Variants in CNNM2 observed in about 807,000 individuals in gnomAD.
CNNM2 encodes cyclin and CBS domain divalent metal cation transport mediator 2.
In CNNM2, 12 loss-of-function variants were observed where a neutral mutation model predicts 66.9. The ratio of observed to expected loss-of-function variants is 0.18; its 90% CI spans 0.11 to 0.29. The LOEUF (loss-of-function observed/expected upper bound fraction) is 0.29, where lower values mean the gene tolerates loss of function less well. Among genes scored for constraint, CNNM2 ranks in the 10% least tolerant of loss-of-function variants. The pLI is 1.00. For synonymous variants in CNNM2, 557 were observed against 501.8 expected, an observed-to-expected ratio of 1.11 and a Z score of -1.47; for missense variants, 705 against 1,167.7, an observed-to-expected ratio of 0.60 and a Z score of 5.77.
rs1280894508 is a variant in CNNM2 at position 103,087,553 on chromosome 10, TGTG to T, written c.*10376_*10378del. ...GTGGTAAATTAAAGCAAAGCAATCATGTGGTCCTTACTCTAAAAGAGACAATAT... is the reference window on the plus strand; with the variant it reads ...GTGGTAAATTAAAGCAAAGCAATCATGTCCTTACTCTAAAAGAGACAATAT... On this transcript the variant is annotated 3_prime_UTR_variant, in exon 8 of 8. Transcript: ENST00000369878. The T allele has an allele frequency of 6.6e-6, 1 of 152,224 alleles. No individual in the cohort carries two copies. Among genetic ancestry groups the T allele is most frequent in the Non-Finnish European group, 1.5e-5 (1 of 68,032 alleles). 9.4% of individuals were successfully genotyped at this position (152,224 alleles called of 1,614,324 possible). A position where few individuals can be genotyped will look rare whatever the true frequency, so the allele number is the denominator to read the frequency against.
At chr10:103,003,886 G>A (rs2064172188) in intron 1 of CNNM2, among the ~76,000 whole-genome samples, 1 of 151,306 alleles carries the variant, frequency 6.6e-6, no homozygotes, top group Non-Finnish European at 1.5e-5. Context: ...AACATACAAG[G>A]TGTATTCTTC....
chr10:103,074,679 C>T (rs756989138), intron 6 of CNNM2, among the ~76,000 whole-genome samples: 29 of 151,970 alleles, frequency 1.9e-4, no homozygotes, highest in Non-Finnish European at 2.2e-4. Flanking sequence ...ACCAAAAATA[C>T]AAAACTTAGC....
At chr10:102,991,423 T>G (rs990550304) in intron 1 of CNNM2, among the ~76,000 whole-genome samples, 1 of 152,216 alleles carries the variant, frequency 6.6e-6, no homozygotes, top group Non-Finnish European at 1.5e-5. Flanking sequence ...TTATTTTTAG[T>G]AATATTTCTT....
rs2134379283 is a variant in CNNM2 at position 103,082,777 on chromosome 10, A to C, written c.*5597A>C. 1 of 149,422 alleles carries C rather than the reference A, an allele frequency of 6.7e-6. No homozygotes were observed. Among genetic ancestry groups the C allele is most frequent in the African/African-American group, 2.5e-5 (1 of 40,486 alleles). 9.3% of individuals were successfully genotyped at this position (149,422 alleles called of 1,614,324 possible). A position where few individuals can be genotyped will look rare whatever the true frequency, so the allele number is the denominator to read the frequency against. The stretch of plus-strand genomic sequence containing the variant: ...CAGTGTTTTGGATGAGGATGGAGGC[A>C]GGTCTCCTACCTTGTGGGCAGGGCC... On this transcript the variant is annotated 3_prime_UTR_variant, in exon 8 of 8. Coordinates refer to ENST00000369878, the MANE Select transcript of CNNM2 (RefSeq NM_017649.5).
At chr10:103,028,245 C>T (rs995166066) in intron 1 of CNNM2, among the ~76,000 whole-genome samples, 6 of 152,210 alleles carry the variant, frequency 3.9e-5, no homozygotes, top group Admixed American at 2.6e-4. Context: ...AGGTTCTTTA[C>T]GGAAGCAAAT....
intron 1 of CNNM2, among the ~76,000 whole-genome samples, chr10:102,933,363 G>C (rs1418500394): frequency 6.6e-6 from 1 of 152,174 alleles, no homozygotes. Context: ...TTATTCCTAA[G>C]TATTTTATTT....
intron 1 of CNNM2, among the ~76,000 whole-genome samples, chr10:102,994,117 A>G (rs905656468): frequency 6.6e-6 from 1 of 152,108 alleles, no homozygotes; most frequent in Non-Finnish European, 1.5e-5. Flanking sequence ...TTGTATTTTT[A>G]GTAGAGACGG....
At position 103,088,176 on chromosome 10, in the gene CNNM2, G is replaced by GAATTCTGGAGCAGCTAA. The variant is rs1213194411; in HGVS notation, c.*10997_*11013dup. Reference sequence around the variant, plus strand: ...ACCGTTAGAAATATTACACTTTATTGAATTCTGGAGCAGCTAATCTACCCT... The same window carrying GAATTCTGGAGCAGCTAA: ...ACCGTTAGAAATATTACACTTTATTGAATTCTGGAGCAGCTAAAATTCTGGAGCAGCTAATCTACCCT... On this transcript the variant is annotated 3_prime_UTR_variant, in exon 8 of 8. Coordinates refer to ENST00000369878, the MANE Select transcript of CNNM2 (RefSeq NM_017649.5). 2 of 152,178 alleles carry GAATTCTGGAGCAGCTAA rather than the reference G, an allele frequency of 1.3e-5. No individual in the cohort carries two copies. Among genetic ancestry groups the GAATTCTGGAGCAGCTAA allele is most frequent in the Non-Finnish European group, 2.9e-5 (2 of 68,030 alleles). 9.4% of individuals were successfully genotyped at this position (152,178 alleles called of 1,614,324 possible).
chr10:103,056,339 T>G (rs770281717), intron 3 of CNNM2, among the ~76,000 whole-genome samples: 1 of 152,130 alleles, frequency 6.6e-6, no homozygotes, highest in Non-Finnish European at 1.5e-5. Flanking sequence ...TTCCCCACAT[T>G]CCTTGGGGTA....
At chr10:103,009,122 C>T (rs1286746040) in intron 1 of CNNM2, among the ~76,000 whole-genome samples, 1 of 151,960 alleles carries the variant, frequency 6.6e-6, no homozygotes, top group East Asian at 1.9e-4. Context: ...ACTAAAAATA[C>T]AAAAGTAGCC....
chr10:102,919,756 G>T lies in CNNM2; in HGVS notation c.1276G>T (p.Asp426Tyr). The T allele has an allele frequency of 6.2e-7, 1 of 1,614,204 alleles. No individual in the cohort carries two copies. Among genetic ancestry groups the T allele is most frequent in the Non-Finnish European group, 8.5e-7 (1 of 1,180,044 alleles). The stretch of plus-strand genomic sequence containing the variant: ...GCTCCGGGTCACCGATCCCTACAAC[G>T]ACCTCGTTAAGGAGGAGCTGAACAT... Reference protein sequence around the residue: ...EMLRVTDPYNDLVKEELNIIQ... With the variant: ...EMLRVTDPYNYLVKEELNIIQ... Residue 426 changes from aspartate to tyrosine, a missense_variant, in exon 1 of 8, where the codon GAC becomes TAC. This residue lies in a region of CNNM2 where 14 missense variants were observed against 68.6 expected (regional missense o/e 0.20). Transcript: ENST00000369878.
rs533599137 is a variant in CNNM2, at chr10:102,981,443, A to G, written c.1621+61342A>G. On this transcript the variant is annotated intron_variant, in intron 1 of 7. Coordinates refer to ENST00000369878, the MANE Select transcript of CNNM2 (RefSeq NM_017649.5). ...CCCACATCAGGATCTTTGTTGGTTT[A>G]CTCACTTATCTTGGGAGAACATATC... 3.7e-3 allele frequency among the ~76,000 whole-genome samples: 567 copies of G among 151,546 alleles called. 2 individuals carry two copies. The highest frequency in any genetic ancestry group is 6.3e-3 in the Non-Finnish European group (424 of 67,712).
chr10:102,939,836 C>T (rs1219224044), intron 1 of CNNM2, among the ~76,000 whole-genome samples: 4 of 151,950 alleles, frequency 2.6e-5, no homozygotes, highest in Non-Finnish European at 4.4e-5. Flanking sequence ...CTGGGCGTGG[C>T]GCACACCTGT....
At chr10:103,010,009 T>G (rs578042822) in intron 1 of CNNM2, among the ~76,000 whole-genome samples, 2 of 152,216 alleles carry the variant, frequency 1.3e-5, no homozygotes, top group South Asian at 4.1e-4. Context: ...TACAGATTAT[T>G]TTATTAAAAT....
chr10:103,002,240 G>A (rs1381610137), intron 1 of CNNM2, among the ~76,000 whole-genome samples: 1 of 152,174 alleles, frequency 6.6e-6, no homozygotes, highest in African/African-American at 2.4e-5. Flanking sequence ...ATAAGGGACT[G>A]TAAGAGTTCT....
intron 4 of CNNM2, 90 bp downstream of exon 4, chr10:103,057,054 T>G: frequency 1.5e-6 from 2 of 1,299,630 alleles, no homozygotes; most frequent in South Asian, 2.9e-5. Flanking sequence ...GTGTACATAC[T>G]GAACCTTTCT....
intron 1 of CNNM2, among the ~76,000 whole-genome samples, chr10:102,940,664 C>T (rs1268905268): frequency 1.3e-5 from 2 of 150,038 alleles, no homozygotes; most frequent in African/African-American, 2.5e-5. Flanking sequence ...GTGATCCGCC[C>T]TCCTTGGCCT....
chr10:103,072,849 T>C (rs1041173827), intron 6 of CNNM2, among the ~76,000 whole-genome samples: 1 of 152,204 alleles, frequency 6.6e-6, no homozygotes, highest in Non-Finnish European at 1.5e-5. Flanking sequence ...TTGTTGTGAA[T>C]CCTTGTCCGT....
intron 1 of CNNM2, among the ~76,000 whole-genome samples, chr10:102,937,725 T>C (rs963749298): frequency 6.6e-6 from 1 of 152,162 alleles, no homozygotes; most frequent in Non-Finnish European, 1.5e-5. Context: ...AACGTACATA[T>C]TCTCAGACAG....
Sources: allele counts gnomAD v4.1 joint callset (sites outside exome capture counted in the v4.1 genomes callset), GRCh38; gene constraint gnomAD v4.1.1; regional missense constraint gnomAD v4.1.1; transcripts MANE v1.5; gene names NCBI Gene and HGNC (gene_info 2026-07-23, HGNC 2026-07-21).